KLF12: variants seen among roughly 807,000 people sequenced by gnomAD.
KLF12 encodes Krueppel-like factor 12.
KLF12 carries 9 observed loss-of-function variants against 37.8 expected under a neutral mutation model. The ratio of observed to expected loss-of-function variants is 0.24; its 90% confidence interval spans 0.14 to 0.42. KLF12 has a LOEUF of 0.42. Ranked by LOEUF, KLF12 falls within the 10% of genes least tolerant of loss-of-function variation. The pLI, the probability that KLF12 is intolerant of heterozygous loss-of-function variation, is 1.00. For missense variants in KLF12, 411 were observed against 516.0 expected (o/e 0.80, Z 1.97); for synonymous variants, 208 against 202.1 (o/e 1.03, Z -0.25).
At chr13:74,259,077 GTGCCCCAGATAGACCAGGCA>G in the KLF12 span, 16 of 152,230 alleles carry the variant, frequency 1.1e-4, no homozygotes, top group Admixed American at 6.5e-4. Flanking sequence ...CTTCTGGCCT[GTGCCCCAGATAGACCAGGCA>G]TGCTTCTGTG....
the KLF12 span, among the ~76,000 whole-genome samples, chr13:74,264,897 T>C: frequency 3.4e-4 from 52 of 152,172 alleles, no homozygotes; most frequent in Non-Finnish European, 5.3e-4. Flanking sequence ...TATTTTTTTT[T>C]CATATAGTGC....
the KLF12 span, among the ~76,000 whole-genome samples, chr13:74,182,772 C>G: frequency 6.6e-6 from 1 of 152,152 alleles, no homozygotes; most frequent in South Asian, 2.1e-4. Flanking sequence ...AACAACATTA[C>G]ATGCAGGAGT....
At chr13:73,929,873 C>A (rs1889586570) in intron 3 of KLF12, among the ~76,000 whole-genome samples, 1 of 152,120 alleles carries the variant, frequency 6.6e-6, no homozygotes, top group Non-Finnish European at 1.5e-5. Context: ...ATCCTAGCAG[C>A]AAGAGAGTCT....
intron 6 of KLF12, among the ~76,000 whole-genome samples, chr13:73,720,216 G>A (rs1484060339): frequency 6.6e-6 from 1 of 152,072 alleles, no homozygotes; most frequent in African/African-American, 2.4e-5. Flanking sequence ...CCATAAGAAG[G>A]GGTGTTAGGT....
At chr13:73,883,135 C>T (rs1381547598) in intron 3 of KLF12, among the ~76,000 whole-genome samples, 1 of 152,096 alleles carries the variant, frequency 6.6e-6, no homozygotes, top group Non-Finnish European at 1.5e-5. Flanking sequence ...TTTTAAAATA[C>T]ATTCTGAAGT....
chr13:74,180,451 TGG>T, the KLF12 span, among the ~76,000 whole-genome samples: 10 of 152,328 alleles, frequency 6.6e-5, no homozygotes, highest in Admixed American at 6.5e-4. Flanking sequence ...TTTCCTGAAA[TGG>T]GGTTGGCTAA....
rs568493066 is a variant in KLF12 at position 73,807,628 on chromosome 13, G to C, written c.806+5524C>G. On this transcript the variant is annotated intron_variant, in intron 5 of 7. Coordinates refer to ENST00000377669, the MANE Select transcript of KLF12 (RefSeq NM_007249.5). ...AGTTATCAGGGATGCTAACATCCCTGATTACTAACACTATCAACTGAGCAT... is the reference window on the plus strand; with the variant it reads ...AGTTATCAGGGATGCTAACATCCCTCATTACTAACACTATCAACTGAGCAT... 4.3e-4 allele frequency among the ~76,000 whole-genome samples: 66 copies of C among 152,286 alleles called. 1 individual carries two copies. In the South Asian group the frequency reaches 0.013, roughly 30 times the overall value.
intron 3 of KLF12, among the ~76,000 whole-genome samples, chr13:73,936,664 T>C (rs955530098): frequency 5.9e-5 from 9 of 152,182 alleles, no homozygotes; most frequent in Non-Finnish European, 1.2e-4. Flanking sequence ...GGCGAGGCCC[T>C]GTTTGGGTTC....
At chr13:73,937,018 C>T (rs1453215687) in intron 3 of KLF12, among the ~76,000 whole-genome samples, 1 of 151,952 alleles carries the variant, frequency 6.6e-6, no homozygotes, top group Non-Finnish European at 1.5e-5. Flanking sequence ...GGTGAAACCC[C>T]GTCTCTACTA....
the KLF12 span, among the ~76,000 whole-genome samples, chr13:74,139,496 A>C: frequency 6.6e-6 from 1 of 152,240 alleles, no homozygotes; most frequent in South Asian, 2.1e-4. Context: ...AAATTCTGCA[A>C]TGTGTCGGTA....
intron 1 of KLF12, among the ~76,000 whole-genome samples, chr13:74,108,881 G>A (rs1457527813): frequency 1.3e-5 from 2 of 152,080 alleles, no homozygotes; most frequent in African/African-American, 4.8e-5. Context: ...TAGCATAGGT[G>A]GAAGAAAATC....
chr13:73,934,439 C>A (rs1889832690), intron 3 of KLF12, among the ~76,000 whole-genome samples: 1 of 152,222 alleles, frequency 6.6e-6, no homozygotes, highest in Non-Finnish European at 1.5e-5. Context: ...CAGCAGTCAA[C>A]TGTCTTTTAA....
At chr13:74,134,997 C>G (rs1413478942), upstream of KLF12, among the ~76,000 whole-genome samples, 2 of 151,470 alleles carry the variant, frequency 1.3e-5, no homozygotes, top group Admixed American at 1.3e-4. Context: ...GGGCATCGCC[C>G]GCGCCGGGCA....
At chr13:73,836,417 G>A (rs1056938378) in intron 4 of KLF12, among the ~76,000 whole-genome samples, 3 of 152,154 alleles carry the variant, frequency 2.0e-5, no homozygotes, top group Admixed American at 6.5e-5. Context: ...ATTTAAAACC[G>A]TGCTGGTAAT....
intron 3 of KLF12, among the ~76,000 whole-genome samples, chr13:73,875,473 A>G (rs989805652): frequency 5.9e-5 from 9 of 152,140 alleles, no homozygotes; most frequent in Admixed American, 3.9e-4. Flanking sequence ...GGTTTTTGTG[A>G]CAGAAATTTT....
the KLF12 span, among the ~76,000 whole-genome samples, chr13:74,281,217 C>T: frequency 6.6e-6 from 1 of 151,860 alleles, no homozygotes; most frequent in African/African-American, 2.4e-5. Context: ...TATTTCTTAC[C>T]ACATTTCATG....
At chr13:74,085,857 G>T (rs1875255223) in intron 1 of KLF12, among the ~76,000 whole-genome samples, 1 of 152,100 alleles carries the variant, frequency 6.6e-6, no homozygotes, top group South Asian at 2.1e-4. Context: ...GAGCAGAATG[G>T]CTATTATCTG....
At chr13:74,000,326 C>A (rs1260560731) in intron 1 of KLF12, among the ~76,000 whole-genome samples, 1 of 152,170 alleles carries the variant, frequency 6.6e-6, no homozygotes, top group Admixed American at 6.5e-5. Context: ...AATGGAATCT[C>A]CACTCTAGGA....
the KLF12 span, among the ~76,000 whole-genome samples, chr13:74,241,017 G>A: frequency 0.034 from 5,191 of 151,678 alleles, 104 homozygotes; most frequent in Middle Eastern, 0.068. Flanking sequence ...GAGGAGAGGC[G>A]CTCTGCTTTT....
Sources: gnomAD v4.1 joint callset for allele counts (sites outside exome capture counted in the v4.1 genomes callset) on GRCh38, gnomAD v4.1.1 for gene constraint, MANE v1.5 for transcripts, NCBI Gene and HGNC (gene_info 2026-07-23, HGNC 2026-07-21) for gene names.